EIF3L: variants seen among roughly 807,000 people sequenced by gnomAD.
EIF3L encodes eukaryotic translation initiation factor 3 subunit L.
In EIF3L, 32 loss-of-function variants were observed where a neutral mutation model predicts 74.6. The ratio of observed to expected loss-of-function variants is 0.43; its 90% CI spans 0.32 to 0.58. EIF3L has a LOEUF of 0.58. EIF3L is among the 20% of genes least tolerant of loss of function. The pLI, the probability that EIF3L is intolerant of heterozygous loss-of-function variation, is 0.06. For synonymous variants in EIF3L, 256 were observed against 254.4 expected (o/e 1.01, Z -0.06); for missense variants, 474 against 707.8 (o/e 0.67, Z 3.75).
At chr22:37,868,187 T>C (rs1352639337) in intron 7 of EIF3L, among the ~76,000 whole-genome samples, 3 of 144,432 alleles carry the variant, frequency 2.1e-5, no homozygotes, top group Non-Finnish European at 1.5e-5. Flanking sequence ...TGATCTCTGC[T>C]CACTGCAGTC....
At chr22:37,867,815 CATG>C (rs1926233465) in intron 7 of EIF3L, among the ~76,000 whole-genome samples, 1 of 151,518 alleles carries the variant, frequency 6.6e-6, no homozygotes, top group Admixed American at 6.6e-5. Context: ...ATTTGCCAGG[CATG>C]GTGGTGGGCG....
At chr22:37,861,696 A>G (rs1415707063) in intron 5 of EIF3L, among the ~76,000 whole-genome samples, 1 of 152,124 alleles carries the variant, frequency 6.6e-6, no homozygotes, top group African/African-American at 2.4e-5. Context: ...AAAAAAAAAA[A>G]AGTAAAGATT....
chr22:37,855,545 A>AT lies in EIF3L; in HGVS notation c.294-13dup, dbSNP rs768578836. The AT allele has an allele frequency of 6.8e-6, 11 of 1,611,576 alleles. No individual in the cohort carries two copies. Among genetic ancestry groups the AT allele is most frequent in the Non-Finnish European group, 6.8e-6 (8 of 1,178,044 alleles). On this transcript the variant is annotated intron_variant, in intron 3 of 12. Coordinates refer to ENST00000652021, the MANE Select transcript of EIF3L (RefSeq NM_016091.4). ...CTCCAGTCCTTTTGGAATTTTAGAGATTTTTTTCTTGATTTTTAGCTGGAC... is the reference window on the plus strand; with the variant it reads ...CTCCAGTCCTTTTGGAATTTTAGAGATTTTTTTTCTTGATTTTTAGCTGGAC...
chr22:37,858,773 T>G, intron 5 of EIF3L, 33 bp downstream of exon 5: 1 of 1,557,876 alleles, frequency 6.4e-7, no homozygotes, highest in Non-Finnish European at 8.7e-7. Context: ...TTTTTTTTTG[T>G]TTTTGTTTTT....
intron 11 of EIF3L, chr22:37,879,510 G>C (rs1926935068): frequency 6.6e-6 from 1 of 151,700 alleles, no homozygotes; most frequent in African/African-American, 2.4e-5. Context: ...AAAAAAAATA[G>C]CTCACCAGAT....
chr22:37,865,475 A>C (rs1926100048), intron 7 of EIF3L, among the ~76,000 whole-genome samples: 1 of 152,196 alleles, frequency 6.6e-6, no homozygotes, highest in Non-Finnish European at 1.5e-5. Context: ...AAAACCAAAA[A>C]AAATAAAATA....
At chr22:37,864,800 A>C (rs1327306224) in intron 7 of EIF3L, among the ~76,000 whole-genome samples, 1 of 152,082 alleles carries the variant, frequency 6.6e-6, no homozygotes, top group Non-Finnish European at 1.5e-5. Context: ...TGGCCTCCCA[A>C]AGTGCTGGGA....
At chr22:37,873,712 G>C (rs2145830188) in intron 8 of EIF3L, among the ~76,000 whole-genome samples, 1 of 151,940 alleles carries the variant, frequency 6.6e-6, no homozygotes, top group East Asian at 1.9e-4. Flanking sequence ...CACTTCCATA[G>C]ATCTCAGTCT....
chr22:37,858,219 CTTTTTTTTTT>C (rs549425262), intron 4 of EIF3L, among the ~76,000 whole-genome samples: 2,907 of 85,164 alleles, frequency 0.034, 88 homozygotes, highest in Admixed American at 0.11. Context: ...TTCTTTCTTC[CTTTTTTTTTT>C]TTTTTTTTTT....
intron 5 of EIF3L, among the ~76,000 whole-genome samples, chr22:37,860,929 C>G (rs979934747): frequency 8.5e-5 from 13 of 152,314 alleles, no homozygotes; most frequent in Middle Eastern, 3.4e-3. Context: ...CCTTCTCACT[C>G]ATTTCCTGAA....
intron 7 of EIF3L, among the ~76,000 whole-genome samples, chr22:37,865,260 T>C (rs149008049): frequency 2.0e-5 from 3 of 150,918 alleles, no homozygotes; most frequent in Non-Finnish European, 4.4e-5. Context: ...GGTCTGGAGA[T>C]GGAGACCATC....
chr22:37,858,566 T>G lies in EIF3L; in HGVS notation c.374-113T>G, dbSNP rs138145265. ...TTCTTGGGGCATATGCATAGCAATTTAGATGTTGTTTAGTCTTCAGAATTA... is the reference window on the plus strand; with the variant it reads ...TTCTTGGGGCATATGCATAGCAATTGAGATGTTGTTTAGTCTTCAGAATTA... On this transcript the variant is annotated intron_variant, in intron 4 of 12. Transcript: ENST00000652021. The G allele has an allele frequency of 3.4e-4, 315 of 916,106 alleles. 1 individual carries two copies. In the African/African-American group the frequency reaches 4.7e-3, roughly 14 times the overall value. 56.7% of individuals were successfully genotyped at this position (916,106 alleles called of 1,614,324 possible). A position where few individuals can be genotyped will look rare whatever the true frequency, so the allele number is the denominator to read the frequency against.
intron 11 of EIF3L, chr22:37,880,113 T>A (rs974770303): frequency 2.7e-5 from 4 of 149,656 alleles, no homozygotes; most frequent in African/African-American, 4.9e-5. Flanking sequence ...ATTTTATTTT[T>A]ATTTTATTTT....
At position 37,886,757 on chromosome 22, in the gene EIF3L, C is replaced by T. The variant is rs1176372572; in HGVS notation, c.1576-8C>T. 4.4e-6 allele frequency: 7 copies of T among 1,605,798 alleles called. No individual in the cohort carries two copies. In the Admixed American group the frequency reaches 1.0e-4, roughly 23 times the overall value. The stretch of plus-strand genomic sequence containing the variant: ...GCTGCTCTTCCCTGACTGTGCTTTC[C>T]CCCACAGGACATGATCCACATCGCG... On this transcript the variant is annotated splice_region_variant and splice_polypyrimidine_tract_variant and intron_variant, in intron 11 of 12. Coordinates refer to ENST00000652021, the MANE Select transcript of EIF3L (RefSeq NM_016091.4).
At chr22:37,859,409 T>A (rs1925729417) in intron 5 of EIF3L, among the ~76,000 whole-genome samples, 3 of 113,782 alleles carry the variant, frequency 2.6e-5, no homozygotes, top group Admixed American at 2.1e-4. Context: ...AGAGAGTGAG[T>A]CTCGCTCTGT....
At chr22:37,855,233 G>T (rs1006562892) in intron 3 of EIF3L, among the ~76,000 whole-genome samples, 4 of 152,164 alleles carry the variant, frequency 2.6e-5, no homozygotes, top group Admixed American at 2.6e-4. Context: ...AGATGGAAAC[G>T]CTGTGTTAAA....
intron 3 of EIF3L, among the ~76,000 whole-genome samples, chr22:37,854,220 C>T (rs920339237): frequency 1.3e-5 from 2 of 151,986 alleles, no homozygotes; most frequent in Non-Finnish European, 1.5e-5. Flanking sequence ...GTCACAGGAA[C>T]CAAAAAGTCT....
At chr22:37,887,435 A>G (rs1927382064) in intron 12 of EIF3L, 4 of 152,124 alleles carry the variant, frequency 2.6e-5, no homozygotes, top group Admixed American at 2.6e-4. Context: ...CATGTCTACT[A>G]AAAATTAAAA....
chr22:37,885,446 T>G (rs956351597), intron 11 of EIF3L: 1 of 152,080 alleles, frequency 6.6e-6, no homozygotes, highest in African/African-American at 2.4e-5. Flanking sequence ...GCAAAGTGCT[T>G]CTTTTTTTTT....
Sources: allele counts gnomAD v4.1 joint callset (sites outside exome capture counted in the v4.1 genomes callset), GRCh38; gene constraint gnomAD v4.1.1; transcripts MANE v1.5; gene names NCBI Gene and HGNC (gene_info 2026-07-23, HGNC 2026-07-21).